Variants in SLC23A2 observed in about 807,000 individuals in gnomAD.
The protein encoded by SLC23A2 is solute carrier family 23 member 2, also known as Na(+)/L-ascorbic acid transporter 2.
SLC23A2 carries 36 observed loss-of-function variants against 73.3 expected under a neutral mutation model. The ratio of observed to expected loss-of-function variants is 0.49; its 90% CI spans 0.38 to 0.65. The LOEUF is 0.65. Ranked by LOEUF, SLC23A2 falls within the 30% of genes least tolerant of loss-of-function variation. The pLI is 0.00. For synonymous variants in SLC23A2, 343 were observed against 327.3 expected, an observed-to-expected ratio of 1.05 and a Z score of -0.52; for missense variants, 507 against 841.6, an observed-to-expected ratio of 0.60 and a Z score of 4.92.
chr20:5,001,185 G>A (rs1433961325), intron 1 of SLC23A2, among the ~76,000 whole-genome samples: 3 of 151,128 alleles, frequency 2.0e-5, no homozygotes, highest in African/African-American at 7.3e-5. Context: ...GGAGCTGAGG[G>A]CCGCCGGGCA....
chr20:4,935,595 G>C (rs557926361), intron 2 of SLC23A2, among the ~76,000 whole-genome samples: 134 of 152,190 alleles, frequency 8.8e-4, no homozygotes, highest in Middle Eastern at 3.4e-3. Context: ...TCAGGAGATC[G>C]AGACCATCCT....
chr20:4,902,154 C>T lies in SLC23A2; in HGVS notation c.324+288G>A, dbSNP rs923130942. On this transcript the variant is annotated intron_variant, in intron 5 of 16. Transcript: ENST00000338244. The surrounding 1 kb of genome is among the most constrained non-coding windows in gnomAD (Gnocchi z 4.0). ...GAGTAGCTGGGACTGTGGGCACACACCACCACACATGGCTAATTTTTGTAT... is the reference window on the plus strand; with the variant it reads ...GAGTAGCTGGGACTGTGGGCACACATCACCACACATGGCTAATTTTTGTAT... 2.6e-5 allele frequency among the ~76,000 whole-genome samples: 4 copies of T among 152,154 alleles called. No homozygotes were observed. The highest frequency in any genetic ancestry group is 4.8e-5 in the African/African-American group (2 of 41,428).
At chr20:4,977,265 T>C (rs561885310) in intron 1 of SLC23A2, among the ~76,000 whole-genome samples, 59 of 152,342 alleles carry the variant, frequency 3.9e-4, no homozygotes, top group Middle Eastern at 3.4e-3. Context: ...ATAGGCATTC[T>C]AGGACACTTA....
intron 2 of SLC23A2, among the ~76,000 whole-genome samples, chr20:4,967,929 G>A (rs372543207): frequency 5.9e-5 from 9 of 152,160 alleles, no homozygotes; most frequent in Admixed American, 2.0e-4. Context: ...AAAAACGAAA[G>A]GTACGAGCAA....
At chr20:4,879,479 G>C (rs898434343) in intron 9 of SLC23A2, among the ~76,000 whole-genome samples, 1 of 146,280 alleles carries the variant, frequency 6.8e-6, no homozygotes, top group Non-Finnish European at 1.5e-5. Flanking sequence ...GATGTAGGTT[G>C]AATTTTAAAA....
At chr20:4,988,067 G>A (rs1187673931) in intron 1 of SLC23A2, among the ~76,000 whole-genome samples, 1 of 151,378 alleles carries the variant, frequency 6.6e-6, no homozygotes, top group African/African-American at 2.4e-5. Context: ...GGGAGGCCAA[G>A]GCAGACGGAT....
intron 9 of SLC23A2, among the ~76,000 whole-genome samples, chr20:4,881,422 A>C (rs950348501): frequency 2.6e-5 from 4 of 152,136 alleles, no homozygotes; most frequent in Admixed American, 6.6e-5. Context: ...AGTGAGGAGG[A>C]GTCAATTTTG....
At chr20:5,004,626 G>A (rs745682392), upstream of SLC23A2, among the ~76,000 whole-genome samples, 9 of 152,060 alleles carry the variant, frequency 5.9e-5, no homozygotes, top group Admixed American at 1.3e-4. Context: ...CAGGAGGATC[G>A]CCTTTGCCAG....
intron 2 of SLC23A2, among the ~76,000 whole-genome samples, chr20:4,951,108 T>C (rs2087195617): frequency 6.6e-6 from 1 of 152,190 alleles, no homozygotes; most frequent in East Asian, 1.9e-4. Context: ...CAGGACATGC[T>C]GTGAAGACTC....
At chr20:4,920,443 A>T (rs372118763) in intron 3 of SLC23A2, among the ~76,000 whole-genome samples, 1 of 152,148 alleles carries the variant, frequency 6.6e-6, no homozygotes, top group East Asian at 1.9e-4. Context: ...TGACTCAAAA[A>T]TCTCACTCTT....
Position 4,994,611 on chromosome 20 carries a change from C to T in SLC23A2, c.-282+6795G>A, listed in dbSNP as rs1010490598. 3.9e-5 allele frequency among the ~76,000 whole-genome samples: 6 copies of T among 151,934 alleles called. No individual in the cohort carries two copies. In the East Asian group the frequency reaches 5.8e-4, roughly 15 times the overall value. ...CAGCCTGAACAATACGGTGAAACCC[C>T]GTCTCTACTAAAAATATGAAAATTA... On this transcript the variant is annotated intron_variant, in intron 1 of 16. Transcript: ENST00000338244.
chr20:4,999,320 A>G (rs1004449232), intron 1 of SLC23A2, among the ~76,000 whole-genome samples: 2 of 152,134 alleles, frequency 1.3e-5, no homozygotes, highest in Admixed American at 1.3e-4. Flanking sequence ...GATCTGTTCA[A>G]CAGAACCTGG....
rs535438045 is a variant in SLC23A2 at position 4,852,542 on chromosome 20, T to C, written c.*4430A>G. The C allele has an allele frequency of 6.6e-6, 1 of 152,510 alleles. No individual in the cohort carries two copies. The highest frequency in any genetic ancestry group is 2.1e-4 in the South Asian group (1 of 4,810). The allele number at this position is 152,510 out of a possible 1,614,324, so 9.4% of individuals were successfully genotyped here. A position where few individuals can be genotyped will look rare whatever the true frequency, so the allele number is the denominator to read the frequency against. ...TCTTTTTAAAAACTCCATAAAAGAA[T>C]TACACATCTCAAAAAACAACCCCAC... On this transcript the variant is annotated 3_prime_UTR_variant, in exon 17 of 17. Coordinates refer to ENST00000338244, the MANE Select transcript of SLC23A2 (RefSeq NM_005116.6). This position sits in a 1 kb window ranked among gnomAD's most constrained non-coding sequence, Gnocchi z 4.3.
At chr20:4,925,720 G>A (rs1022936799) in intron 3 of SLC23A2, among the ~76,000 whole-genome samples, 2 of 152,124 alleles carry the variant, frequency 1.3e-5, no homozygotes, top group African/African-American at 4.8e-5. Flanking sequence ...CACCTCCACT[G>A]TACTCTGCAC....
At chr20:4,978,102 C>T (rs1459492141) in intron 1 of SLC23A2, among the ~76,000 whole-genome samples, 1 of 152,058 alleles carries the variant, frequency 6.6e-6, no homozygotes, top group African/African-American at 2.4e-5. Flanking sequence ...TAATAAACTC[C>T]TGATTCAAGA....
At chr20:4,977,673 G>C (rs948230269) in intron 1 of SLC23A2, among the ~76,000 whole-genome samples, 11 of 151,042 alleles carry the variant, frequency 7.3e-5, no homozygotes, top group African/African-American at 2.7e-4. Context: ...ACTCCAGCCT[G>C]GGTGACAGAG....
chr20:4,876,716 A>G (rs1930668756), intron 9 of SLC23A2, among the ~76,000 whole-genome samples: 1 of 152,272 alleles, frequency 6.6e-6, no homozygotes, highest in Non-Finnish European at 1.5e-5. Context: ...ATAAGCAGAA[A>G]GAAAAAGATA....
intron 1 of SLC23A2, among the ~76,000 whole-genome samples, chr20:4,995,623 C>T (rs1190381007): frequency 2.6e-5 from 4 of 152,164 alleles, no homozygotes; most frequent in Non-Finnish European, 5.9e-5. Flanking sequence ...TGTAGCCTAA[C>T]CCTACTTTCT....
intron 4 of SLC23A2, among the ~76,000 whole-genome samples, chr20:4,908,707 T>C (rs1932040837): frequency 6.6e-6 from 1 of 152,196 alleles, no homozygotes; most frequent in Non-Finnish European, 1.5e-5. Context: ...AGCAGGTAGA[T>C]TCCTTGAAGC....
Sources: allele counts gnomAD v4.1 joint callset (sites outside exome capture counted in the v4.1 genomes callset), GRCh38; gene constraint gnomAD v4.1.1; non-coding constraint Gnocchi (gnomAD v3.1); transcripts MANE v1.5; gene names NCBI Gene and HGNC (gene_info 2026-07-23, HGNC 2026-07-21).